CACNA1C: variants seen among roughly 807,000 people sequenced by gnomAD.
CACNA1C encodes voltage-dependent L-type calcium channel subunit alpha-1C.
CACNA1C carries 30 observed loss-of-function variants against 229.0 expected under a neutral mutation model. That is an observed-to-expected ratio of 0.13 (90% CI 0.10 to 0.18). The LOEUF (loss-of-function observed/expected upper bound fraction) is 0.18, where lower values mean the gene tolerates loss of function less well. Among genes scored for constraint, CACNA1C ranks in the 10% least tolerant of loss-of-function variants. CACNA1C has a pLI of 1.00. For synonymous variants in CACNA1C, 1,114 were observed against 1,132.5 expected (o/e 0.98, Z 0.33); for missense variants, 1,658 against 2,845.0 (o/e 0.58, Z 9.49).
chr12:2,251,581 T>C (rs1484137593), intron 3 of CACNA1C, among the ~76,000 whole-genome samples: 1 of 152,184 alleles, frequency 6.6e-6, no homozygotes, highest in Non-Finnish European at 1.5e-5. Flanking sequence ...CTGCTAGACG[T>C]TGTCATTGCA....
chr12:2,092,122 T>C (rs78559101), intron 1 of CACNA1C, among the ~76,000 whole-genome samples: 2,891 of 152,264 alleles, frequency 0.019, 107 homozygotes, highest in African/African-American at 0.066. Context: ...TATGAAACTT[T>C]GGGGAAATGG....
chr12:2,332,229 CTATT>C (rs1252432383), intron 3 of CACNA1C, among the ~76,000 whole-genome samples: 4 of 152,262 alleles, frequency 2.6e-5, no homozygotes, highest in African/African-American at 7.2e-5. Flanking sequence ...ACATACCTAT[CTATT>C]GAGGAATAAT....
At chr12:2,503,864 C>A (rs2099765843) in intron 7 of CACNA1C, among the ~76,000 whole-genome samples, 1 of 152,250 alleles carries the variant, frequency 6.6e-6, no homozygotes, top group South Asian at 2.1e-4. Flanking sequence ...ATTGCCTCTC[C>A]CAGCCGGTGG....
intron 1 of CACNA1C, among the ~76,000 whole-genome samples, chr12:2,043,369 G>A (rs2050476351): frequency 6.6e-6 from 1 of 152,168 alleles, no homozygotes; most frequent in Non-Finnish European, 1.5e-5. Context: ...TCCAGAGGGG[G>A]CTAGTGAGAG....
chr12:2,224,339 C>T (rs1470595647), intron 3 of CACNA1C, among the ~76,000 whole-genome samples: 3 of 152,246 alleles, frequency 2.0e-5, no homozygotes, highest in Non-Finnish European at 2.9e-5. Context: ...TCTGTATCTT[C>T]ATTCTAGAGC....
intron 3 of CACNA1C, among the ~76,000 whole-genome samples, chr12:2,380,367 G>C (rs919985262): frequency 3.3e-5 from 5 of 152,162 alleles, no homozygotes; most frequent in African/African-American, 4.8e-5. Context: ...TCTTGCAATT[G>C]AGGTGACTAA....
At chr12:2,516,031 T>C (rs886306954) in intron 9 of CACNA1C, among the ~76,000 whole-genome samples, 1 of 151,248 alleles carries the variant, frequency 6.6e-6, no homozygotes, top group Non-Finnish European at 1.5e-5. Context: ...AGGTGGTAAA[T>C]TAAATAGCAT....
At chr12:2,394,556 TTGTGAA>T (rs1425953569) in intron 3 of CACNA1C, among the ~76,000 whole-genome samples, 2 of 152,162 alleles carry the variant, frequency 1.3e-5, no homozygotes, top group Non-Finnish European at 2.9e-5. Flanking sequence ...TTTACTGAGT[TTGTGAA>T]TGTAAAGTGT....
At position 2,117,236 on chromosome 12, in the gene CACNA1C, A is replaced by T. The variant is rs146708761; in HGVS notation, c.371+1691A>T. On this transcript the variant is annotated intron_variant, in intron 2 of 46. Coordinates refer to ENST00000399655, the MANE Select transcript of CACNA1C (RefSeq NM_000719.7). ...CAGTGAGCTGAGATCATGCCACTGC[A>T]CTCCAGCCTGAGGAAAAGAGTGAAA... Among the ~76,000 whole-genome samples, 790 of 152,274 alleles carry T rather than the reference A, an allele frequency of 5.2e-3. 6 individuals carry two copies. The highest frequency in any genetic ancestry group is 0.018 in the African/African-American group (733 of 41,504).
At chr12:2,141,692 C>A (rs369695706) in intron 3 of CACNA1C, among the ~76,000 whole-genome samples, 89 of 151,394 alleles carry the variant, frequency 5.9e-4, no homozygotes, top group African/African-American at 2.0e-3. Flanking sequence ...ATGCAGCAGG[C>A]CACTCCTTAG....
intron 10 of CACNA1C, chr12:2,550,463 G>A (rs1426956180): frequency 2.6e-6 from 3 of 1,163,274 alleles, no homozygotes; most frequent in South Asian, 1.3e-5. Flanking sequence ...TGTGACCTGG[G>A]AGAGAAGCAG....
chr12:2,695,205 A>G lies in CACNA1C; in HGVS notation c.*4006A>G, dbSNP rs2097829410. 1 of 152,180 alleles carries G rather than the reference A, an allele frequency of 6.6e-6. No individual in the cohort carries two copies. Among genetic ancestry groups the G allele is most frequent in the Non-Finnish European group, 1.5e-5 (1 of 68,046 alleles). 9.4% of individuals were successfully genotyped at this position (152,180 alleles called of 1,614,324 possible). ...GAGAATGGAGGCAAGAAAAGGGCATATTTTGACTCCCTCTGTGCCTCTTCC... is the reference window on the plus strand; with the variant it reads ...GAGAATGGAGGCAAGAAAAGGGCATGTTTTGACTCCCTCTGTGCCTCTTCC... On this transcript the variant is annotated 3_prime_UTR_variant, in exon 47 of 47. Transcript: ENST00000399655.
chr12:2,688,849 G>A, intron 46 of CACNA1C, 70 bp downstream of exon 46: 1 of 1,262,300 alleles, frequency 7.9e-7, no homozygotes, highest in African/African-American at 1.5e-5. Flanking sequence ...GCGGGGCTGA[G>A]AAGGGAGCAC....
chr12:2,383,707 A>G (rs2098311453), intron 3 of CACNA1C, among the ~76,000 whole-genome samples: 1 of 152,200 alleles, frequency 6.6e-6, no homozygotes, highest in Non-Finnish European at 1.5e-5. Flanking sequence ...GGAGAGCTGA[A>G]CACTCAAACC....
intron 3 of CACNA1C, among the ~76,000 whole-genome samples, chr12:2,433,925 C>T (rs1360983033): frequency 2.0e-5 from 3 of 152,128 alleles, no homozygotes; most frequent in Non-Finnish European, 4.4e-5. Flanking sequence ...TACTGTTACC[C>T]TTATCATAGC....
chr12:2,120,216 G>C, intron 2 of CACNA1C, 109 bp from the exon 3 acceptor site: 1 of 749,204 alleles, frequency 1.3e-6, no homozygotes, highest in Non-Finnish European at 2.4e-6. Flanking sequence ...GGAATGCATT[G>C]TTTAAACAAA....
intron 3 of CACNA1C, among the ~76,000 whole-genome samples, chr12:2,164,663 G>A (rs1255551594): frequency 6.6e-6 from 1 of 152,200 alleles, no homozygotes; most frequent in Non-Finnish European, 1.5e-5. Context: ...AGGGAGTGTT[G>A]AGTAGTGTTT....
intron 3 of CACNA1C, among the ~76,000 whole-genome samples, chr12:2,180,818 T>A (rs2096817533): frequency 6.6e-6 from 1 of 152,192 alleles, no homozygotes; most frequent in Admixed American, 6.5e-5. Flanking sequence ...CAAATGGTTG[T>A]TCAGCAAGTG....
intron 3 of CACNA1C, among the ~76,000 whole-genome samples, chr12:2,446,615 G>A (rs2099289551): frequency 6.7e-6 from 1 of 149,758 alleles, no homozygotes; most frequent in Non-Finnish European, 1.5e-5. Flanking sequence ...GGCTGGATAG[G>A]TGGTGAGTGG....
Sources: allele counts gnomAD v4.1 joint callset (sites outside exome capture counted in the v4.1 genomes callset), GRCh38; gene constraint gnomAD v4.1.1; transcripts MANE v1.5; gene names NCBI Gene and HGNC (gene_info 2026-07-23, HGNC 2026-07-21).